The following EYS variants were observed in gnomAD, a reference collection of about 807,000 sequenced individuals.
The protein encoded by EYS is protein eyes shut homolog.
EYS carries 250 observed loss-of-function variants against 282.1 expected under a neutral mutation model. That is an observed-to-expected ratio of 0.89 (90% CI 0.80 to 0.98). EYS has a LOEUF of 0.98. Among genes scored for constraint, EYS ranks in the 50% least tolerant of loss-of-function variants. EYS has a pLI of 0.00. For synonymous variants in EYS, 1,355 were observed against 1,282.9 expected (o/e 1.06, Z -1.20); for missense variants, 4,016 against 3,709.0 (o/e 1.08, Z -2.15).
chr6:65,367,269 C>A (rs1764947432), intron 8 of EYS, among the ~76,000 whole-genome samples: 1 of 151,626 alleles, frequency 6.6e-6, no homozygotes, highest in African/African-American at 2.4e-5. Context: ...TGTTAATAAG[C>A]ATCTTGGTAG....
chr6:65,477,497 CA>C, intron 5 of EYS, among the ~76,000 whole-genome samples: 1 of 152,146 alleles, frequency 6.6e-6, no homozygotes, highest in Middle Eastern at 3.4e-3. Flanking sequence ...CTGAAAATGA[CA>C]AATTAGAAGT....
chr6:64,535,468 T>C (rs1379323691), intron 26 of EYS, among the ~76,000 whole-genome samples: 1 of 151,986 alleles, frequency 6.6e-6, no homozygotes, highest in Non-Finnish European at 1.5e-5. Flanking sequence ...CCAGGCACAG[T>C]GGCTCACGCC....
chr6:64,837,300 C>T (rs1765409089), intron 19 of EYS, among the ~76,000 whole-genome samples: 1 of 151,274 alleles, frequency 6.6e-6, no homozygotes, highest in Non-Finnish European at 1.5e-5. Flanking sequence ...TAAAAATCCT[C>T]AATAAGCTAG....
chr6:65,253,729 A>T (rs1320062945), intron 12 of EYS, among the ~76,000 whole-genome samples: 1 of 151,926 alleles, frequency 6.6e-6, no homozygotes, highest in East Asian at 1.9e-4. Flanking sequence ...TAGATTCATA[A>T]AAATACAAGC....
At chr6:64,454,142 A>G (rs1775472625) in intron 26 of EYS, among the ~76,000 whole-genome samples, 1 of 152,070 alleles carries the variant, frequency 6.6e-6, no homozygotes, top group Non-Finnish European at 1.5e-5. Context: ...CATACAAAAC[A>G]ATCATCCTTC....
At chr6:64,487,683 T>C (rs13193859) in intron 26 of EYS, among the ~76,000 whole-genome samples, 45,166 of 150,660 alleles carry the variant, frequency 0.3, 6,824 homozygotes, top group East Asian at 0.47. Flanking sequence ...TTATAATTTT[T>C]ATGTGTACTT....
At chr6:64,705,839 G>C (rs1486985953) in intron 22 of EYS, among the ~76,000 whole-genome samples, 3 of 110,048 alleles carry the variant, frequency 2.7e-5, no homozygotes, top group African/African-American at 1.0e-4. Flanking sequence ...GGGTGGGAGG[G>C]AGGGGGGAGG....
intron 12 of EYS, among the ~76,000 whole-genome samples, chr6:65,219,248 A>AGGAAAC (rs1766397146): frequency 1.3e-5 from 2 of 152,354 alleles, no homozygotes; most frequent in Non-Finnish European, 1.5e-5. Context: ...TTGCCAATAC[A>AGGAAAC]GGAAACATGG....
At chr6:65,128,404 T>C (rs1168810823) in intron 12 of EYS, among the ~76,000 whole-genome samples, 1 of 151,868 alleles carries the variant, frequency 6.6e-6, no homozygotes, top group African/African-American at 2.4e-5. Flanking sequence ...TCAATGACAA[T>C]ACGATTTTAT....
chr6:63,723,157 C>A (rs1439815058), intron 42 of EYS, among the ~76,000 whole-genome samples: 1 of 152,102 alleles, frequency 6.6e-6, no homozygotes, highest in Non-Finnish European at 1.5e-5. Flanking sequence ...AAAGCAAAAA[C>A]TTTTTTCCTA....
chr6:65,218,930 G>C (rs563473117), intron 12 of EYS, among the ~76,000 whole-genome samples: 4 of 152,014 alleles, frequency 2.6e-5, no homozygotes, highest in Admixed American at 2.6e-4. Flanking sequence ...CAAGTGAACA[G>C]TGATAGAAAT....
intron 14 of EYS, among the ~76,000 whole-genome samples, chr6:64,952,273 G>A (rs1041102247): frequency 2.6e-5 from 4 of 151,924 alleles, no homozygotes; most frequent in African/African-American, 9.7e-5. Context: ...AGAACTTACT[G>A]CAATGTTTAA....
rs1042750365 is a variant in EYS at position 65,270,769 on chromosome 6, G to A, written c.2023+25094C>T. Among the ~76,000 whole-genome samples the A allele has an allele frequency of 3.3e-5, 5 of 151,958 alleles. 1 individual carries two copies. Among genetic ancestry groups the A allele is most frequent in the Admixed American group, 1.3e-4 (2 of 15,244 alleles). ...TAGAACATAAATAAAATTCAGCAAA[G>A]TTCTTTGCTAGTTTATAACACAGAT... On this transcript the variant is annotated intron_variant, in intron 12 of 42. Coordinates refer to ENST00000503581, the MANE Select transcript of EYS (RefSeq NM_001142800.2).
chr6:64,205,953 G>A (rs1209651559), intron 31 of EYS, among the ~76,000 whole-genome samples: 1 of 151,942 alleles, frequency 6.6e-6, no homozygotes, highest in Non-Finnish European at 1.5e-5. Flanking sequence ...CTATTTTTTA[G>A]AGAAAGTATC....
chr6:64,514,103 A>G (rs1433260652), intron 26 of EYS, among the ~76,000 whole-genome samples: 1 of 151,742 alleles, frequency 6.6e-6, no homozygotes, highest in East Asian at 1.9e-4. Flanking sequence ...CTCTGATTAG[A>G]CATAGTGTGT....
At chr6:64,275,979 C>T (rs1323946542) in intron 30 of EYS, among the ~76,000 whole-genome samples, 1 of 150,864 alleles carries the variant, frequency 6.6e-6, no homozygotes, top group Non-Finnish European at 1.5e-5. Context: ...AAAAAAAAAG[C>T]TTATTGCCTT....
At chr6:65,431,832 T>C (rs1314646938) in intron 5 of EYS, among the ~76,000 whole-genome samples, 1 of 152,142 alleles carries the variant, frequency 6.6e-6, no homozygotes, top group Non-Finnish European at 1.5e-5. Flanking sequence ...AACTCATGAA[T>C]AAATAACAAA....
chr6:65,219,405 ATATAG>A lies in EYS; in HGVS notation c.2023+76453_2023+76457del, dbSNP rs146415517. 1.3e-3 allele frequency among the ~76,000 whole-genome samples: 200 copies of A among 152,298 alleles called. 1 individual carries two copies. Among genetic ancestry groups the A allele is most frequent in the African/African-American group, 4.5e-3 (187 of 41,576 alleles). On this transcript the variant is annotated intron_variant, in intron 12 of 42. Transcript: ENST00000503581. ...AACCTAAATTATCTTGGTGATTAAA[ATATAG>A]TAGAGTGTTTGCCAAGTCTGCTTGT...
intron 28 of EYS, among the ~76,000 whole-genome samples, chr6:64,432,991 A>G (rs1395318608): frequency 6.6e-6 from 1 of 151,906 alleles, no homozygotes; most frequent in Non-Finnish European, 1.5e-5. Context: ...AGCACTCCAT[A>G]TTTTCCTTCC....
Sources: allele counts gnomAD v4.1 joint callset (sites outside exome capture counted in the v4.1 genomes callset), GRCh38; gene constraint gnomAD v4.1.1; transcripts MANE v1.5; gene names NCBI Gene and HGNC (gene_info 2026-07-23, HGNC 2026-07-21).